MRPS25: variants seen among roughly 807,000 people sequenced by gnomAD.
MRPS25 encodes small ribosomal subunit protein mS25.
MRPS25 carries 15 observed loss-of-function variants against 17.3 expected under a neutral mutation model. That is an observed-to-expected ratio of 0.87 (90% confidence interval 0.58 to 1.34). The LOEUF (loss-of-function observed/expected upper bound fraction) is 1.34. Ranked by LOEUF, MRPS25 falls within the 40% of genes most tolerant of loss-of-function variation. The probability of loss-of-function intolerance (pLI) is 0.00; values close to 1 mark genes in which losing one functional copy is unlikely to be tolerated. For synonymous variants in MRPS25, 94 were observed against 83.3 expected (o/e 1.13, Z -0.70); for missense variants, 225 against 218.6 (o/e 1.03, Z -0.19).
At chr3:15,064,513 C>A (rs903690654) in intron 1 of MRPS25, among the ~76,000 whole-genome samples, 1 of 152,158 alleles carries the variant, frequency 6.6e-6, no homozygotes, top group African/African-American at 2.4e-5. Flanking sequence ...CATGGTGTCT[C>A]GTGGAGCTGC....
At chr3:15,045,628 C>G (rs1320869288), downstream of MRPS25, 1 of 152,658 alleles carries the variant, frequency 6.6e-6, no homozygotes, top group Non-Finnish European at 1.5e-5. Context: ...AAGCCTCTGA[C>G]TGCAGGTCCA....
chr3:15,049,058 A>G lies in MRPS25; in HGVS notation c.*3383T>C, dbSNP rs996077116. ...ACTTTGTTTATGTGATGGCATTTAA[A>G]AAATAGCATGTTCTTTTTAAACTGA... On this transcript the variant is annotated 3_prime_UTR_variant, in exon 4 of 4. Transcript: ENST00000253686. The G allele has an allele frequency of 5.2e-5, 8 of 152,666 alleles. No individual in the cohort carries two copies. The highest frequency in any genetic ancestry group is 1.0e-4 in the Non-Finnish European group (7 of 68,052). 9.5% of individuals were successfully genotyped at this position (152,666 alleles called of 1,614,324 possible).
At chr3:15,055,664 T>A (rs2042660977) in intron 2 of MRPS25, among the ~76,000 whole-genome samples, 1 of 152,110 alleles carries the variant, frequency 6.6e-6, no homozygotes, top group African/African-American at 2.4e-5. Context: ...CTACTGGAAA[T>A]AAGTGAATTT....
At chr3:15,043,293 AAAG>A, downstream of MRPS25, 1 of 240,782 alleles carries the variant, frequency 4.2e-6, no homozygotes, top group South Asian at 1.5e-4. Flanking sequence ...AAACAAAAAA[AAAG>A]GTTTTATAAT....
rs2042632639 is a variant in MRPS25 at position 15,053,449 on chromosome 3, AG to A, written c.259del (p.Leu87TrpfsTer73). On this transcript the variant is annotated frameshift_variant, in exon 3 of 4. Transcript: ENST00000253686. LOFTEE classifies it high-confidence loss of function. ...ATTGCTCTTGGTCTCCACATCCACCAGGACCTGCTCCCCAGAATCTGGAAAC... is the reference window on the plus strand; with the variant it reads ...ATTGCTCTTGGTCTCCACATCCACCAGACCTGCTCCCCAGAATCTGGAAAC... Reference protein sequence around the residue: ...RFYLDSGEQVLVDVETKSNKE... With the variant: ...RFYLDSGEQVXVDVETKSNKE... 3 of 1,614,228 alleles carry A rather than the reference AG, an allele frequency of 1.9e-6. No homozygotes were observed. Among genetic ancestry groups the A allele is most frequent in the Non-Finnish European group, 2.5e-6 (3 of 1,180,042 alleles).
At chr3:15,060,946 T>C (rs2042745209) in intron 1 of MRPS25, among the ~76,000 whole-genome samples, 1 of 152,130 alleles carries the variant, frequency 6.6e-6, no homozygotes, top group Admixed American at 6.5e-5. Flanking sequence ...ATAGAGGCCT[T>C]GGAGACCCTC....
At chr3:15,053,216 A>G in intron 3 of MRPS25, 164 bp downstream of exon 3, 1 of 1,428,314 alleles carries the variant, frequency 7.0e-7, no homozygotes, top group Non-Finnish European at 9.3e-7. Flanking sequence ...TTTGGTAAAG[A>G]GCAACATCAG....
In MRPS25 at chr3:15,051,494, ATTC is replaced by A; in HGVS notation, c.*944_*946del. 2 of 985,332 alleles carry A rather than the reference ATTC, an allele frequency of 2.0e-6. No individual in the cohort carries two copies. Among genetic ancestry groups the A allele is most frequent in the Non-Finnish European group, 2.4e-6 (2 of 829,914 alleles). 61.0% of individuals were successfully genotyped at this position (985,332 alleles called of 1,614,324 possible). A position where few individuals can be genotyped will look rare whatever the true frequency, so the allele number is the denominator to read the frequency against. Reference sequence around the variant, plus strand: ...CACCACACCCAGCCTAGCTAAACCTATTCTTAAGGTGACCCTAGAAGGCTCTGC... The same window carrying A: ...CACCACACCCAGCCTAGCTAAACCTATTAAGGTGACCCTAGAAGGCTCTGC... On this transcript the variant is annotated 3_prime_UTR_variant, in exon 4 of 4. Transcript: ENST00000253686.
In MRPS25 at chr3:15,052,664, T is replaced by C. The variant is rs768700818; in HGVS notation, c.330-31A>G. On this transcript the variant is annotated intron_variant, in intron 3 of 3. Transcript: ENST00000253686. ...AAAGAGCACAGACGGCAACCAAGCA[T>C]TGGCAACTTTGAGTGGCAGGCACAG... The C allele has an allele frequency of 2.7e-5, 44 of 1,603,780 alleles. 1 individual carries two copies. The South Asian group carries it at 2.9e-4, about 10-fold the overall frequency.
chr3:15,047,965 GCCTTAAACTGAGACTCGGC>G (rs1383835685), downstream of MRPS25: 1 of 152,264 alleles, frequency 6.6e-6, no homozygotes. Context: ...CCTTAATCTG[GCCTTAAACTGAGACTCGGC>G]CCTTGAGAGC....
intron 1 of MRPS25, among the ~76,000 whole-genome samples, chr3:15,062,401 G>A (rs1484274679): frequency 1.2e-5 from 1 of 86,390 alleles, no homozygotes; most frequent in East Asian, 4.0e-4. Flanking sequence ...GAGGTGGGGG[G>A]TCAGCCCCCC....
chr3:15,052,504 C>G lies in MRPS25; in HGVS notation c.459G>C (p.Val153=). Reference sequence around the variant, plus strand: ...TCCCCCTCATCTCCTTGGGTAATGGCACCAGGCTGGGGCAGGGCACCTGCC... The same window carrying G: ...TCCCCCTCATCTCCTTGGGTAATGGGACCAGGCTGGGGCAGGGCACCTGCC... ...VEGQVPCPSL[V]PLPKEMRGKY... The change falls in exon 4 of 4, where the codon GTG becomes GTC. Residue 153 remains valine (V), a synonymous_variant. Transcript: ENST00000253686. 1 of 1,614,170 alleles carries G rather than the reference C, an allele frequency of 6.2e-7. No individual in the cohort carries two copies. Among genetic ancestry groups the G allele is most frequent in the Non-Finnish European group, 8.5e-7 (1 of 1,180,028 alleles).
rs150436253 is a variant in MRPS25 at position 15,051,647 on chromosome 3, G to A, written c.*794C>T. 1.0e-6 allele frequency: 1 copy of A among 985,716 alleles called. No individual in the cohort carries two copies. The highest frequency in any genetic ancestry group is 1.1e-4 in the East Asian group (1 of 8,818). The allele number at this position is 985,716 out of a possible 1,614,324, so 61.1% of individuals were successfully genotyped here. ...CACTCCCTCCTCCAGAGCTTGGTAA[G>A]CAGGGCCTGAGGGAGCCAGCAGAGC... On this transcript the variant is annotated 3_prime_UTR_variant, in exon 4 of 4. Coordinates refer to ENST00000253686, the MANE Select transcript of MRPS25 (RefSeq NM_022497.5).
At chr3:15,044,385 C>T (rs910471819), downstream of MRPS25, 1 of 152,166 alleles carries the variant, frequency 6.6e-6, no homozygotes, top group Non-Finnish European at 1.5e-5. Flanking sequence ...TAAAAACAAC[C>T]CTCAATTTCC....
At chr3:15,047,281 G>C (rs928542886), downstream of MRPS25, 1 of 152,264 alleles carries the variant, frequency 6.6e-6, no homozygotes, top group Admixed American at 6.5e-5. Context: ...TGCCTGGGAA[G>C]GGCCATGAAG....
chr3:15,061,734 C>T (rs1444908320), intron 1 of MRPS25, among the ~76,000 whole-genome samples: 1 of 151,060 alleles, frequency 6.6e-6, no homozygotes, highest in African/African-American at 2.4e-5. Context: ...AAGTGAGGAG[C>T]GTCTCTGCCC....
chr3:15,042,923 A>G (rs148719288), downstream of MRPS25: 1,741 of 1,614,172 alleles, frequency 1.1e-3, 3 homozygotes, highest in Non-Finnish European at 1.3e-3. Flanking sequence ...CTCATTGGCA[A>G]TGTTTCGATA....
At chr3:15,052,679 G>A (rs765065819) in intron 3 of MRPS25, 46 bp from the exon 4 acceptor site, 1 of 1,588,436 alleles carries the variant, frequency 6.3e-7, no homozygotes, top group Non-Finnish European at 8.6e-7. Flanking sequence ...AACTTTGAGT[G>A]GCAGGCACAG....
At chr3:15,063,575 C>G (rs1017565085) in intron 1 of MRPS25, among the ~76,000 whole-genome samples, 9 of 152,176 alleles carry the variant, frequency 5.9e-5, no homozygotes, top group Non-Finnish European at 1.3e-4. Flanking sequence ...GCCCCTACCA[C>G]CAGGAACAAA....
Sources: gnomAD v4.1 joint callset for allele counts (sites outside exome capture counted in the v4.1 genomes callset) on GRCh38, gnomAD v4.1.1 for gene constraint, MANE v1.5 for transcripts, NCBI Gene and HGNC (gene_info 2026-07-23, HGNC 2026-07-21) for gene names.